CAMTA1: variants seen among roughly 807,000 people sequenced by gnomAD.
The protein encoded by CAMTA1 is calmodulin-binding transcription activator 1.
Under a neutral mutation model 170.9 loss-of-function variants are expected in CAMTA1, and 27 were observed. The ratio of observed to expected loss-of-function variants is 0.16; its 90% CI spans 0.12 to 0.22. CAMTA1 has a LOEUF of 0.22. Ranked by LOEUF, CAMTA1 falls within the 10% of genes least tolerant of loss-of-function variation. The pLI is 1.00. For missense variants in CAMTA1, 1,619 were observed against 2,217.2 expected (o/e 0.73, Z 5.42); for synonymous variants, 833 against 891.5 (o/e 0.93, Z 1.17).
At chr1:6,920,856 ACACTGCAC>A (rs1557828544) in intron 3 of CAMTA1, among the ~76,000 whole-genome samples, 7 of 152,220 alleles carry the variant, frequency 4.6e-5, no homozygotes, top group Admixed American at 2.6e-4. Context: ...CCTGGGCTGC[ACACTGCAC>A]GGGAACCCTG....
chr1:6,817,289 A>G (rs920466877), intron 1 of CAMTA1, among the ~76,000 whole-genome samples: 1 of 152,226 alleles, frequency 6.6e-6, no homozygotes, highest in Admixed American at 6.5e-5. Flanking sequence ...GATAATAGGA[A>G]GCCAGGAAAT....
chr1:6,998,078 C>G (rs1241201819), intron 3 of CAMTA1, among the ~76,000 whole-genome samples: 6 of 151,108 alleles, frequency 4.0e-5, no homozygotes, highest in African/African-American at 1.2e-4. Context: ...TACTGAGTGC[C>G]TTTTTTTGTT....
intron 3 of CAMTA1, among the ~76,000 whole-genome samples, chr1:6,943,676 GTC>G (rs1687085531): frequency 6.6e-6 from 1 of 151,626 alleles, no homozygotes; most frequent in Non-Finnish European, 1.5e-5. Flanking sequence ...TGAAACCCCC[GTC>G]TCTACTAAAA....
At chr1:7,608,578 C>T (rs1048030139) in intron 6 of CAMTA1, among the ~76,000 whole-genome samples, 1 of 152,174 alleles carries the variant, frequency 6.6e-6, no homozygotes, top group South Asian at 2.1e-4. Flanking sequence ...CCATGAGAGG[C>T]TGATGGCAGG....
At chr1:7,021,205 C>T (rs532641483) in intron 3 of CAMTA1, among the ~76,000 whole-genome samples, 6 of 152,310 alleles carry the variant, frequency 3.9e-5, no homozygotes, top group Admixed American at 6.5e-5. Context: ...GGCTTCTGAA[C>T]GTGGCCGTGA....
chr1:6,908,704 A>C (rs1679080698), intron 3 of CAMTA1, among the ~76,000 whole-genome samples: 1 of 152,222 alleles, frequency 6.6e-6, no homozygotes, highest in African/African-American at 2.4e-5. Context: ...CATACCCTTC[A>C]TGAGACTCTG....
chr1:6,992,877 C>T (rs955871864), intron 3 of CAMTA1, among the ~76,000 whole-genome samples: 1 of 152,232 alleles, frequency 6.6e-6, no homozygotes, highest in Admixed American at 6.5e-5. Flanking sequence ...AAATCCCAAC[C>T]ATGTCACCAT....
intron 4 of CAMTA1, among the ~76,000 whole-genome samples, chr1:7,228,160 G>A (rs184879867): frequency 6.6e-6 from 1 of 152,220 alleles, no homozygotes; most frequent in African/African-American, 2.4e-5. Flanking sequence ...TAGACCACAG[G>A]GCTCTGATTT....
Position 6,810,195 on chromosome 1 carries a change from T to A in CAMTA1, c.46-9986T>A, listed in dbSNP as rs559091938. Among the ~76,000 whole-genome samples the A allele has an allele frequency of 1.5e-3, 230 of 152,248 alleles. 4 individuals are homozygous for A. Among genetic ancestry groups the A allele is most frequent in the Admixed American group, 0.013 (203 of 15,300 alleles). On this transcript the variant is annotated intron_variant, in intron 1 of 22. Coordinates refer to ENST00000303635, the MANE Select transcript of CAMTA1 (RefSeq NM_015215.4). ...TGGGACTGCTGAACTGTGGTCGAGG[T>A]GCTGGCCAGGACTGGGCTCACCTTG...
intron 5 of CAMTA1, among the ~76,000 whole-genome samples, chr1:7,316,454 A>G (rs895101256): frequency 6.6e-6 from 1 of 152,226 alleles, no homozygotes; most frequent in African/African-American, 2.4e-5. Flanking sequence ...TAAAAGAGAT[A>G]ACACAAGTGA....
chr1:6,836,271 A>G (rs1653064396), intron 3 of CAMTA1, among the ~76,000 whole-genome samples: 1 of 152,256 alleles, frequency 6.6e-6, no homozygotes, highest in Non-Finnish European at 1.5e-5. Flanking sequence ...AACAACAAAA[A>G]GAAATCCTTT....
At chr1:7,172,074 A>C (rs1159244125) in intron 4 of CAMTA1, among the ~76,000 whole-genome samples, 2 of 151,852 alleles carry the variant, frequency 1.3e-5, no homozygotes, top group African/African-American at 4.8e-5. Context: ...ACTCAGCCCC[A>C]TCATTCAGCA....
Position 7,766,821 on chromosome 1 carries a change from C to T in CAMTA1, c.*330C>T. On this transcript the variant is annotated 3_prime_UTR_variant, in exon 23 of 23. Transcript: ENST00000303635. ...CCTCTTCTCAGGAAGAAGCCATTTC[C>T]TTCTCATATAGGGCTGTATTCAAAC... 3.1e-6 allele frequency: 1 copy of T among 327,554 alleles called. No individual in the cohort carries two copies. Among genetic ancestry groups the T allele is most frequent in the Non-Finnish European group, 5.7e-6 (1 of 174,344 alleles). 20.3% of individuals were successfully genotyped at this position (327,554 alleles called of 1,614,324 possible).
intron 3 of CAMTA1, among the ~76,000 whole-genome samples, chr1:7,073,836 C>T (rs1348980225): frequency 6.6e-6 from 1 of 152,108 alleles, no homozygotes; most frequent in East Asian, 1.9e-4. Context: ...AAACACTCTG[C>T]AAAGGAAGTT....
chr1:7,211,336 C>G (rs1426329061), intron 4 of CAMTA1, among the ~76,000 whole-genome samples: 2 of 152,196 alleles, frequency 1.3e-5, no homozygotes, highest in East Asian at 3.9e-4. Context: ...GACTCAGACC[C>G]CTATCAAGTT....
Position 7,570,712 on chromosome 1 carries a change from C to T in CAMTA1, c.511-69688C>T, listed in dbSNP as rs760381738. Among the ~76,000 whole-genome samples the T allele has an allele frequency of 2.0e-5, 3 of 152,252 alleles. No individual in the cohort carries two copies. In the East Asian group the frequency reaches 5.8e-4, roughly 29 times the overall value. On this transcript the variant is annotated intron_variant, in intron 6 of 22. Transcript: ENST00000303635. This position sits in a 1 kb window ranked among gnomAD's most constrained non-coding sequence, Gnocchi z 4.3. Reference sequence around the variant, plus strand: ...CCTGCTGTGTCAGCACAGACCCTGCCTGGGACCCCTGCTTCCCCAGGTGGG... The same window carrying T: ...CCTGCTGTGTCAGCACAGACCCTGCTTGGGACCCCTGCTTCCCCAGGTGGG...
intron 3 of CAMTA1, among the ~76,000 whole-genome samples, chr1:6,897,786 G>A (rs540152919): frequency 6.6e-6 from 1 of 152,172 alleles, no homozygotes; most frequent in Non-Finnish European, 1.5e-5. Flanking sequence ...GGATATATGG[G>A]TTGTGTTTAA....
chr1:7,525,254 G>A (rs2150004708), intron 6 of CAMTA1, among the ~76,000 whole-genome samples: 1 of 152,022 alleles, frequency 6.6e-6, no homozygotes, highest in South Asian at 2.1e-4. Flanking sequence ...GGTGGGAGCA[G>A]TGTGGTGGTC....
intron 3 of CAMTA1, among the ~76,000 whole-genome samples, chr1:6,978,213 C>CA (rs1012030802): frequency 2.0e-5 from 3 of 152,000 alleles, no homozygotes; most frequent in Admixed American, 6.5e-5. Context: ...TTGAAAATAA[C>CA]AAAAAAAGTA....
Sources: allele counts gnomAD v4.1 joint callset (sites outside exome capture counted in the v4.1 genomes callset), GRCh38; gene constraint gnomAD v4.1.1; non-coding constraint Gnocchi (gnomAD v3.1); transcripts MANE v1.5; gene names NCBI Gene and HGNC (gene_info 2026-07-23, HGNC 2026-07-21).